COL10A1: variants seen among roughly 807,000 people sequenced by gnomAD.
The protein encoded by COL10A1 is collagen alpha-1(X) chain.
A neutral mutation model predicts 18.2 loss-of-function variants in COL10A1; 10 were observed. The ratio of observed to expected loss-of-function variants is 0.55; its 90% confidence interval spans 0.34 to 0.93. The LOEUF (loss-of-function observed/expected upper bound fraction) is 0.93, where lower values mean the gene tolerates loss of function less well. Among genes scored for constraint, COL10A1 ranks in the 40% least tolerant of loss-of-function variants. The pLI, the probability that COL10A1 is intolerant of heterozygous loss-of-function variation, is 0.02. For synonymous variants in COL10A1, 330 were observed against 316.6 expected, an observed-to-expected ratio of 1.04 and a Z score of -0.45; for missense variants, 897 against 853.5, an observed-to-expected ratio of 1.05 and a Z score of -0.64.
the COL10A1 span, among the ~76,000 whole-genome samples, chr6:116,191,030 C>T: frequency 6.6e-6 from 1 of 151,908 alleles, no homozygotes; most frequent in Admixed American, 6.6e-5. Context: ...AAGTGACTTC[C>T]CCGAAGTTGC....
the COL10A1 span, among the ~76,000 whole-genome samples, chr6:116,167,206 A>AT: frequency 0.27 from 23,828 of 87,914 alleles, 4,467 homozygotes; most frequent in Middle Eastern, 0.33. Flanking sequence ...CAAATAGAAG[A>AT]TTTTTTTTTT....
intron 1 of COL10A1, among the ~76,000 whole-genome samples, chr6:116,136,075 A>G (rs1455575627): frequency 6.6e-6 from 1 of 151,962 alleles, no homozygotes. Flanking sequence ...TGCCACTTGA[A>G]AAACATCTCC....
Position 116,121,245 on chromosome 6 carries a change from C to T in COL10A1, c.871G>A (p.Gly291Arg). The T allele has an allele frequency of 6.2e-7, 1 of 1,613,822 alleles. No homozygotes were observed. Among genetic ancestry groups the T allele is most frequent in the Non-Finnish European group, 8.5e-7 (1 of 1,179,860 alleles). ...KGLPGAPGIA[G>R]PPGPPGFGKP... is the part of the protein sequence containing the mutation. ...CCAAAGCCAGGAGGCCCTGGGGGCC[C>T]AGCTATTCCTGGAGCCCCAGGGAGA... Residue 291 changes from glycine (G) to arginine (R), a missense_variant, in exon 3 of 3, where the codon GGG becomes AGG. Gly to Arg is a moderately radical substitution (Grantham distance 125, BLOSUM62 -2). Transcript: ENST00000651968.
At chr6:116,138,134 T>C (rs1582827635) in intron 1 of COL10A1, among the ~76,000 whole-genome samples, 1 of 152,200 alleles carries the variant, frequency 6.6e-6, no homozygotes, top group East Asian at 1.9e-4. Context: ...TAAGATCTTA[T>C]GTGCTAGATC....
At chr6:116,206,790 C>T in the COL10A1 span, among the ~76,000 whole-genome samples, 1 of 151,936 alleles carries the variant, frequency 6.6e-6, no homozygotes, top group Non-Finnish European at 1.5e-5. Context: ...TTTAGATAAA[C>T]TGTTAATTGG....
chr6:116,121,694 G>A lies in COL10A1; in HGVS notation c.422C>T (p.Pro141Leu). ...PAGLPGPRGP[P>L]GPPGIPGPAG... is the part of the protein sequence containing the mutation. ...CGGTCCAGGGATTCCAGGTGGTCCT[G>A]GTGGGCCCCGGGGTCCTGGTAGGCC... The change falls in exon 3 of 3, where the codon CCA becomes CTA. Residue 141 changes from proline (P) to leucine (L), a missense_variant. Pro to Leu is a moderately conservative substitution (Grantham distance 98, BLOSUM62 -3). Coordinates refer to ENST00000651968, the MANE Select transcript of COL10A1 (RefSeq NM_000493.4). 3 of 1,613,712 alleles carry A rather than the reference G, an allele frequency of 1.9e-6. No homozygotes were observed. Among genetic ancestry groups the A allele is most frequent in the Non-Finnish European group, 1.7e-6 (2 of 1,179,654 alleles).
intron 1 of COL10A1, among the ~76,000 whole-genome samples, chr6:116,148,545 C>G (rs1310463702): frequency 1.3e-5 from 2 of 152,048 alleles, no homozygotes; most frequent in Non-Finnish European, 2.9e-5. Context: ...TTTCATTGTA[C>G]TCAGAATGTG....
At chr6:116,167,939 T>C in the COL10A1 span, among the ~76,000 whole-genome samples, 1 of 152,220 alleles carries the variant, frequency 6.6e-6, no homozygotes, top group East Asian at 1.9e-4. Context: ...GGTTATTTTC[T>C]GCACTATAGT....
intron 2 of COL10A1, among the ~76,000 whole-genome samples, chr6:116,124,660 C>T (rs1262828626): frequency 6.6e-6 from 1 of 152,210 alleles, no homozygotes; most frequent in Non-Finnish European, 1.5e-5. Flanking sequence ...GAGATAGCTG[C>T]TCCTTATTTT....
At chr6:116,157,040 C>T (rs999147000) in intron 1 of COL10A1, among the ~76,000 whole-genome samples, 1 of 152,152 alleles carries the variant, frequency 6.6e-6, no homozygotes, top group Admixed American at 6.5e-5. Context: ...CTTCATAGCA[C>T]TGCCTCCCTT....
At chr6:116,177,534 A>C in the COL10A1 span, among the ~76,000 whole-genome samples, 1 of 152,182 alleles carries the variant, frequency 6.6e-6, no homozygotes, top group Non-Finnish European at 1.5e-5. Context: ...TAAATGTAAA[A>C]TATAGTTTAA....
intron 1 of COL10A1, among the ~76,000 whole-genome samples, chr6:116,158,302 C>T (rs1303919371): frequency 6.6e-6 from 1 of 151,660 alleles, no homozygotes; most frequent in Non-Finnish European, 1.5e-5. Flanking sequence ...CTTGTTAGTC[C>T]TGTGCATCTA....
At chr6:116,130,871 G>T (rs1426437033), upstream of COL10A1, among the ~76,000 whole-genome samples, 1 of 151,678 alleles carries the variant, frequency 6.6e-6, no homozygotes. Context: ...ATTCGTACCA[G>T]AATATTGAAA....
chr6:116,148,812 G>C (rs1779961603), intron 1 of COL10A1, among the ~76,000 whole-genome samples: 1 of 152,052 alleles, frequency 6.6e-6, no homozygotes, highest in African/African-American at 2.4e-5. Flanking sequence ...GTGGGTTACA[G>C]GTAAGTCATT....
chr6:116,196,827 A>T, the COL10A1 span, among the ~76,000 whole-genome samples: 1 of 151,844 alleles, frequency 6.6e-6, no homozygotes, highest in Admixed American at 6.6e-5. Context: ...ACACTCACAT[A>T]GTGCTTACCA....
the COL10A1 span, among the ~76,000 whole-genome samples, chr6:116,182,299 T>C: frequency 6.6e-6 from 1 of 151,716 alleles, no homozygotes; most frequent in East Asian, 1.9e-4. Flanking sequence ...TGATGAACAT[T>C]TGGGCTGGTT....
chr6:116,179,135 G>T, the COL10A1 span, among the ~76,000 whole-genome samples: 6 of 151,996 alleles, frequency 3.9e-5, no homozygotes, highest in East Asian at 1.2e-3. Flanking sequence ...TCATTGTAAG[G>T]GTGGGGATAC....
At chr6:116,179,248 A>G in the COL10A1 span, among the ~76,000 whole-genome samples, 1 of 152,114 alleles carries the variant, frequency 6.6e-6, no homozygotes, top group Non-Finnish European at 1.5e-5. Context: ...ATGTGAAAAT[A>G]CTCCTTATCT....
intron 2 of COL10A1, 130 bp from the exon 3 acceptor site, chr6:116,122,091 G>A: frequency 2.3e-6 from 2 of 887,108 alleles, no homozygotes; most frequent in Non-Finnish European, 3.7e-6. Context: ...AGACAGAACA[G>A]TCTGAAATGG....
Sources: gnomAD v4.1 joint callset for allele counts (sites outside exome capture counted in the v4.1 genomes callset) on GRCh38, gnomAD v4.1.1 for gene constraint, MANE v1.5 for transcripts, NCBI Gene and HGNC (gene_info 2026-07-23, HGNC 2026-07-21) for gene names.